LIN7A: variants seen among roughly 807,000 people sequenced by gnomAD.
The protein encoded by LIN7A is protein lin-7 homolog A.
Under a neutral mutation model 29.8 loss-of-function variants are expected in LIN7A, and 25 were observed. The ratio of observed to expected loss-of-function variants is 0.84; its 90% confidence interval spans 0.61 to 1.17. The LOEUF (loss-of-function observed/expected upper bound fraction) is 1.17, where lower values mean the gene tolerates loss of function less well. Among genes scored for constraint, LIN7A ranks in the 50% most tolerant of loss-of-function variants. The probability of loss-of-function intolerance (pLI) is 0.00; values close to 1 mark genes in which losing one functional copy is unlikely to be tolerated. For missense variants in LIN7A, 239 were observed against 287.0 expected (o/e 0.83, Z 1.21); for synonymous variants, 118 against 107.5 (o/e 1.10, Z -0.60).
chr12:80,865,817 G>A lies in LIN7A; in HGVS notation c.202-17495C>T, dbSNP rs962731295. Among the ~76,000 whole-genome samples, 16 of 152,306 alleles carry A rather than the reference G, an allele frequency of 1.1e-4. 1 individual carries two copies. Among genetic ancestry groups the A allele is most frequent in the African/African-American group, 3.6e-4 (15 of 41,562 alleles). On this transcript the variant is annotated intron_variant, in intron 2 of 5. Coordinates refer to ENST00000552864, the MANE Select transcript of LIN7A (RefSeq NM_004664.4). ...TACAGCCTTTCAGAGGATAGAGAATGTTTCTTCTGTAAATTGGGTGAGTCA... is the reference window on the plus strand; with the variant it reads ...TACAGCCTTTCAGAGGATAGAGAATATTTCTTCTGTAAATTGGGTGAGTCA...
intron 4 of LIN7A, among the ~76,000 whole-genome samples, chr12:80,844,710 T>G (rs558243555): frequency 6.6e-6 from 1 of 152,316 alleles, no homozygotes; most frequent in East Asian, 1.9e-4. Context: ...AATGTTTGTT[T>G]CATAGGAAAC....
Position 80,882,287 on chromosome 12 carries a change from C to CTTTTTTTTTTTTTTTTTTTTTTTTTTT in LIN7A, c.201+6963_201+6964insAAAAAAAAAAAAAAAAAAAAAAAAAAA, listed in dbSNP as rs56000415. ...ACAGTACTATCATTTTTCTTTCATT[C>CTTTTTTTTTTTTTTTTTTTTTTTTTTT]TTTTTTTTTTTTTTTGAGACGGAGT... On this transcript the variant is annotated intron_variant, in intron 2 of 5. Transcript: ENST00000552864. Among the ~76,000 whole-genome samples, 28 of 87,686 alleles carry CTTTTTTTTTTTTTTTTTTTTTTTTTTT rather than the reference C, an allele frequency of 3.2e-4. 5 individuals are homozygous for CTTTTTTTTTTTTTTTTTTTTTTTTTTT. The highest frequency in any genetic ancestry group is 5.7e-4 in the Non-Finnish European group (20 of 35,012). 57.5% of individuals were successfully genotyped at this position (87,686 alleles called of 152,430 possible). A position where few individuals can be genotyped will look rare whatever the true frequency, so the allele number is the denominator to read the frequency against.
intron 2 of LIN7A, among the ~76,000 whole-genome samples, chr12:80,849,280 C>G (rs1249095489): frequency 6.6e-6 from 1 of 152,162 alleles, no homozygotes; most frequent in Non-Finnish European, 1.5e-5. Context: ...GTTACCTGAA[C>G]AGCTGCTAAA....
intron 1 of LIN7A, among the ~76,000 whole-genome samples, chr12:80,890,905 C>G (rs1257206093): frequency 6.6e-6 from 1 of 152,124 alleles, no homozygotes; most frequent in Non-Finnish European, 1.5e-5. Context: ...TCTAAAACAA[C>G]AACAGAGACA....
intron 5 of LIN7A, among the ~76,000 whole-genome samples, chr12:80,802,754 C>T (rs1031233927): frequency 7.2e-5 from 11 of 151,846 alleles, no homozygotes; most frequent in African/African-American, 2.7e-4. Context: ...CCTGCCTCAC[C>T]CTCCTCCTCC....
At chr12:80,899,039 G>A (rs1876058958) in intron 1 of LIN7A, among the ~76,000 whole-genome samples, 2 of 152,062 alleles carry the variant, frequency 1.3e-5, no homozygotes, top group African/African-American at 4.8e-5. Flanking sequence ...GTGGTGATAA[G>A]GCATCCTTGT....
At position 80,848,267 on chromosome 12, in the gene LIN7A, G is replaced by A. The variant is rs764330673; in HGVS notation, c.257C>T (p.Ala86Val). 120 of 1,612,540 alleles carry A rather than the reference G, an allele frequency of 7.4e-5. No homozygotes were observed. The highest frequency in any genetic ancestry group is 9.8e-5 in the Non-Finnish European group (115 of 1,178,958). ...ITVNGCPEFR[A>V]RATAKATVAA... Reference sequence around the variant, plus strand: ...AAGCCTTACCTTTGCTGTTGCCCTCGCACGGAATTCGGGACAGCCATTAAC... The same window carrying A: ...AAGCCTTACCTTTGCTGTTGCCCTCACACGGAATTCGGGACAGCCATTAAC... The change falls in exon 3 of 6, where the codon GCG becomes GTG. Residue 86 changes from alanine (A) to valine (V), a missense_variant. Ala to Val is a moderately conservative substitution (Grantham distance 64). Transcript: ENST00000552864.
At chr12:80,868,189 A>T (rs765169552) in intron 2 of LIN7A, among the ~76,000 whole-genome samples, 3 of 152,190 alleles carry the variant, frequency 2.0e-5, no homozygotes, top group Non-Finnish European at 4.4e-5. Context: ...TCTGCCTAGT[A>T]CCAAGGTAAT....
intron 5 of LIN7A, among the ~76,000 whole-genome samples, chr12:80,800,381 C>T (rs564198533): frequency 2.2e-4 from 33 of 150,706 alleles, no homozygotes; most frequent in African/African-American, 7.8e-4. Context: ...CCCAACTACT[C>T]GGAAGGCTGA....
At chr12:80,813,074 G>T (rs920164976) in intron 4 of LIN7A, among the ~76,000 whole-genome samples, 3 of 151,718 alleles carry the variant, frequency 2.0e-5, no homozygotes, top group Non-Finnish European at 4.4e-5. Context: ...GCAATGGCGC[G>T]ATCTTGGCTC....
At chr12:80,835,382 C>T (rs1872555293) in intron 4 of LIN7A, among the ~76,000 whole-genome samples, 1 of 152,066 alleles carries the variant, frequency 6.6e-6, no homozygotes, top group African/African-American at 2.4e-5. Flanking sequence ...TACATCAGTC[C>T]TGCAGATATA....
chr12:80,847,209 G>A (rs1873118010), intron 3 of LIN7A, among the ~76,000 whole-genome samples: 1 of 152,150 alleles, frequency 6.6e-6, no homozygotes, highest in Non-Finnish European at 1.5e-5. Context: ...CTATCCTGCT[G>A]TTCTACATGA....
At chr12:80,883,599 T>A (rs1478199777) in intron 2 of LIN7A, among the ~76,000 whole-genome samples, 1 of 152,176 alleles carries the variant, frequency 6.6e-6, no homozygotes, top group Admixed American at 6.5e-5. Context: ...TACTGTGGGA[T>A]CCTACTCTTT....
intron 3 of LIN7A, among the ~76,000 whole-genome samples, chr12:80,846,175 A>G (rs1170633158): frequency 6.6e-6 from 1 of 152,196 alleles, no homozygotes; most frequent in Non-Finnish European, 1.5e-5. Context: ...CTGTTATGAC[A>G]GAATTTTCCT....
At chr12:80,929,580 T>C (rs1193686447) in intron 1 of LIN7A, among the ~76,000 whole-genome samples, 3 of 152,066 alleles carry the variant, frequency 2.0e-5, no homozygotes, top group Admixed American at 2.0e-4. Flanking sequence ...TCTGTGAGAG[T>C]TGTGGGGTCA....
At chr12:80,911,807 A>T (rs914606481) in intron 1 of LIN7A, among the ~76,000 whole-genome samples, 1 of 152,116 alleles carries the variant, frequency 6.6e-6, no homozygotes, top group African/African-American at 2.4e-5. Context: ...CTTAATTCAC[A>T]TTTTTTTAAT....
chr12:80,848,409 G>C, intron 2 of LIN7A, 87 bp from the exon 3 acceptor site: 1 of 1,036,360 alleles, frequency 9.6e-7, no homozygotes, highest in Non-Finnish European at 1.4e-6. Flanking sequence ...TATTTTCACT[G>C]TAGGAAAAAA....
intron 1 of LIN7A, chr12:80,936,333 C>G (rs1878214701): frequency 6.6e-6 from 1 of 152,454 alleles, no homozygotes; most frequent in Non-Finnish European, 1.5e-5. Flanking sequence ...CACAGAACAT[C>G]TGTTCTGGCG....
chr12:80,918,419 A>T (rs1877129982), intron 1 of LIN7A, among the ~76,000 whole-genome samples: 1 of 152,058 alleles, frequency 6.6e-6, no homozygotes, highest in African/African-American at 2.4e-5. Flanking sequence ...AAACTAGGTA[A>T]TGCAGTTTGG....
Sources: gnomAD v4.1 joint callset for allele counts (sites outside exome capture counted in the v4.1 genomes callset) on GRCh38, gnomAD v4.1.1 for gene constraint, MANE v1.5 for transcripts, NCBI Gene and HGNC (gene_info 2026-07-23, HGNC 2026-07-21) for gene names.